ASB3: variants seen among roughly 807,000 people sequenced by gnomAD.
ASB3 encodes the protein ankyrin repeat and SOCS box protein 3.
In ASB3, 41 loss-of-function variants were observed where a neutral mutation model predicts 54.5. That is an observed-to-expected ratio of 0.75 (90% CI 0.59 to 0.98). The LOEUF (loss-of-function observed/expected upper bound fraction) is 0.98. ASB3 is among the 50% of genes least tolerant of loss of function. The pLI is 0.00. For synonymous variants in ASB3, 266 were observed against 221.2 expected, an observed-to-expected ratio of 1.20 and a Z score of -1.80; for missense variants, 733 against 620.0, an observed-to-expected ratio of 1.18 and a Z score of -1.94.
intron 9 of ASB3, among the ~76,000 whole-genome samples, chr2:53,671,426 A>AACT (rs1489233510): frequency 6.6e-6 from 1 of 151,056 alleles, no homozygotes; most frequent in African/African-American, 2.4e-5. Flanking sequence ...GCCAAAAGCT[A>AACT]ACTACCAATT....
chr2:53,737,503 G>T (rs979386138), intron 3 of ASB3, among the ~76,000 whole-genome samples: 1 of 151,998 alleles, frequency 6.6e-6, no homozygotes, highest in Non-Finnish European at 1.5e-5. Context: ...ACAAGGTAAG[G>T]CAAATAAAAA....
chr2:53,688,339 G>A (rs952481686), intron 9 of ASB3, among the ~76,000 whole-genome samples: 1 of 152,200 alleles, frequency 6.6e-6, no homozygotes, highest in African/African-American at 2.4e-5. Context: ...CAACCATCCT[G>A]TGTAACCACC....
chr2:53,689,463 C>G (rs531673229), intron 9 of ASB3, among the ~76,000 whole-genome samples: 3 of 152,096 alleles, frequency 2.0e-5, no homozygotes, highest in Admixed American at 6.5e-5. Context: ...TTTTATTATC[C>G]TAAACTAGAA....
At chr2:53,712,001 C>G (rs79775581) in intron 7 of ASB3, among the ~76,000 whole-genome samples, 3 of 151,858 alleles carry the variant, frequency 2.0e-5, no homozygotes, top group Non-Finnish European at 4.4e-5. Context: ...GAAGTTTACA[C>G]AGAAAAAAAT....
intron 7 of ASB3, among the ~76,000 whole-genome samples, chr2:53,703,719 G>T (rs1254425108): frequency 6.6e-6 from 1 of 152,062 alleles, no homozygotes; most frequent in Non-Finnish European, 1.5e-5. Context: ...GGTCAATAGT[G>T]CAAGAAAGTC....
chr2:53,728,438 G>T (rs1671128027), intron 5 of ASB3, among the ~76,000 whole-genome samples: 1 of 152,108 alleles, frequency 6.6e-6, no homozygotes, highest in Admixed American at 6.6e-5. Context: ...CTACAGGAAA[G>T]GACAGCCCCA....
intron 7 of ASB3, among the ~76,000 whole-genome samples, chr2:53,713,337 G>A (rs952744256): frequency 6.6e-6 from 1 of 152,118 alleles, no homozygotes; most frequent in African/African-American, 2.4e-5. Flanking sequence ...TACAATTTGA[G>A]GTATGCCTGC....
At chr2:53,752,232 A>T (rs185721158) in intron 2 of ASB3, among the ~76,000 whole-genome samples, 2 of 152,378 alleles carry the variant, frequency 1.3e-5, no homozygotes, top group African/African-American at 4.8e-5. Flanking sequence ...ACTCAAGTTG[A>T]TAAGTCTAGG....
At chr2:53,781,577 T>C (rs1182425868) in intron 1 of ASB3, among the ~76,000 whole-genome samples, 2 of 152,174 alleles carry the variant, frequency 1.3e-5, no homozygotes, top group African/African-American at 4.8e-5. Flanking sequence ...CTCACCACAA[T>C]GTCTGCCTCC....
At chr2:53,739,955 T>A (rs13383490) in intron 3 of ASB3, among the ~76,000 whole-genome samples, 1 of 152,180 alleles carries the variant, frequency 6.6e-6, no homozygotes, top group African/African-American at 2.4e-5. Flanking sequence ...ATTATAGGCA[T>A]AAGCCACCAC....
intron 1 of ASB3, chr2:53,767,904 C>A (rs1355664116): frequency 6.2e-7 from 1 of 1,612,376 alleles, no homozygotes; most frequent in Non-Finnish European, 8.5e-7. Context: ...TTTTTGGTTA[C>A]GGGTCCCTGA....
At position 53,670,816 on chromosome 2, in the gene ASB3, C is replaced by T. The variant is rs1667772089; in HGVS notation, c.1370-126G>A. 26 of 1,121,590 alleles carry T rather than the reference C, an allele frequency of 2.3e-5. 1 individual carries two copies. The South Asian group carries it at 4.5e-4, about 19-fold the overall frequency. 69.5% of individuals were successfully genotyped at this position (1,121,590 alleles called of 1,614,324 possible). On this transcript the variant is annotated intron_variant, in intron 9 of 9. Transcript: ENST00000263634. ...TGATATATTGCTTGAAAGAAGACTA[C>T]TTTGAGTCAGTATGACCACAATAAA...
intron 2 of ASB3, among the ~76,000 whole-genome samples, chr2:53,756,329 T>G (rs1289539566): frequency 2.0e-5 from 3 of 152,204 alleles, no homozygotes; most frequent in Non-Finnish European, 4.4e-5. Context: ...TATATTCCCT[T>G]TCTTTGCTTA....
At chr2:53,774,678 T>C (rs1240093707) in intron 1 of ASB3, 2 of 570,194 alleles carry the variant, frequency 3.5e-6, no homozygotes, top group Non-Finnish European at 5.6e-6. Context: ...AATATTGGGA[T>C]ACAGTGAAAG....
intron 2 of ASB3, among the ~76,000 whole-genome samples, chr2:53,754,216 CAAT>C (rs1386399610): frequency 6.6e-6 from 1 of 152,082 alleles, no homozygotes; most frequent in Non-Finnish European, 1.5e-5. Flanking sequence ...AAATAAGTAA[CAAT>C]GAGTTCATGC....
At chr2:53,726,452 G>A (rs891020741) in intron 5 of ASB3, among the ~76,000 whole-genome samples, 21 of 150,956 alleles carry the variant, frequency 1.4e-4, no homozygotes, top group Non-Finnish European at 2.5e-4. Context: ...ATAGAGACGG[G>A]GTTTCACCAT....
At chr2:53,748,150 A>T (rs1371602644) in intron 3 of ASB3, 1 of 152,194 alleles carries the variant, frequency 6.6e-6, no homozygotes, top group Non-Finnish European at 1.5e-5. Context: ...ACACCCACAC[A>T]AGGCTTAGTA....
intron 5 of ASB3, among the ~76,000 whole-genome samples, chr2:53,723,964 C>T (rs1670850953): frequency 6.6e-6 from 1 of 151,962 alleles, no homozygotes; most frequent in Non-Finnish European, 1.5e-5. Context: ...AATGTAAGAC[C>T]TCAAACTATA....
chr2:53,687,790 G>A (rs928089314), intron 9 of ASB3, among the ~76,000 whole-genome samples: 1 of 152,120 alleles, frequency 6.6e-6, no homozygotes, highest in South Asian at 2.1e-4. Flanking sequence ...CTCTTACCAA[G>A]TATATACTGC....
Sources: allele counts gnomAD v4.1 joint callset (sites outside exome capture counted in the v4.1 genomes callset), GRCh38; gene constraint gnomAD v4.1.1; transcripts MANE v1.5; gene names NCBI Gene and HGNC (gene_info 2026-07-23, HGNC 2026-07-21).